APBB2: variants seen among roughly 807,000 people sequenced by gnomAD.
APBB2 encodes the protein Fe65-like 1.
A neutral mutation model predicts 82.5 loss-of-function variants in APBB2; 38 were observed. The ratio of observed to expected loss-of-function variants is 0.46; its 90% CI spans 0.36 to 0.60. The LOEUF (loss-of-function observed/expected upper bound fraction) is 0.60, where lower values mean the gene tolerates loss of function less well. Ranked by LOEUF, APBB2 falls within the 20% of genes least tolerant of loss-of-function variation. The pLI is 0.00. For synonymous variants in APBB2, 341 were observed against 368.2 expected (o/e 0.93, Z 0.85); for missense variants, 772 against 972.3 (o/e 0.79, Z 2.74).
chr4:40,930,474 T>C (rs1008846792), intron 10 of APBB2, among the ~76,000 whole-genome samples: 123 of 141,290 alleles, frequency 8.7e-4, no homozygotes, highest in African/African-American at 1.5e-3. Flanking sequence ...CGCGTGCGCG[T>C]GCGCGTATGC....
intron 3 of APBB2, among the ~76,000 whole-genome samples, chr4:41,091,435 G>GT (rs1160082667): frequency 1.3e-5 from 2 of 151,406 alleles, no homozygotes; most frequent in African/African-American, 2.4e-5. Context: ...GAATAAAAAA[G>GT]TAAGTAATTT....
chr4:41,087,918 TC>T (rs977213914), intron 3 of APBB2, among the ~76,000 whole-genome samples: 18 of 152,174 alleles, frequency 1.2e-4, no homozygotes, highest in Non-Finnish European at 2.5e-4. Flanking sequence ...GATAGCCTTT[TC>T]CAGCAATAGA....
intron 6 of APBB2, among the ~76,000 whole-genome samples, chr4:40,964,963 AT>A (rs1274775376): frequency 4.6e-5 from 7 of 152,072 alleles, no homozygotes; most frequent in East Asian, 3.9e-4. Context: ...TACTAAAAAT[AT>A]AAAAAATTAG....
chr4:41,210,742 ACAAAT>A (rs1172303656), intron 1 of APBB2, among the ~76,000 whole-genome samples: 1 of 152,242 alleles, frequency 6.6e-6, no homozygotes, highest in Admixed American at 6.5e-5. Context: ...ATTCTAAATA[ACAAAT>A]CAAAGATGCT....
chr4:40,821,825 T>A (rs1577678727), intron 17 of APBB2, 46 bp downstream of exon 17: 1 of 1,603,842 alleles, frequency 6.2e-7, no homozygotes, highest in Non-Finnish European at 8.5e-7. Context: ...ATATTAGAGA[T>A]GAGCAGAGGC....
intron 2 of APBB2, among the ~76,000 whole-genome samples, chr4:41,124,617 G>A (rs1753860832): frequency 6.6e-6 from 1 of 152,114 alleles, no homozygotes; most frequent in East Asian, 1.9e-4. Flanking sequence ...CTGATCTCTG[G>A]TTTAAATCAT....
intron 2 of APBB2, among the ~76,000 whole-genome samples, chr4:41,128,291 C>T (rs1019226135): frequency 6.6e-6 from 1 of 152,090 alleles, no homozygotes; most frequent in Non-Finnish European, 1.5e-5. Context: ...GGCTTTGGAG[C>T]AAAGGAACAC....
chr4:40,959,522 T>A (rs1792527951), intron 6 of APBB2, among the ~76,000 whole-genome samples: 1 of 152,204 alleles, frequency 6.6e-6, no homozygotes, highest in South Asian at 2.1e-4. Flanking sequence ...TCATTATTCT[T>A]CTAAATGGTG....
chr4:40,967,963 C>G (rs1009585247), intron 6 of APBB2, among the ~76,000 whole-genome samples: 1 of 152,082 alleles, frequency 6.6e-6, no homozygotes, highest in African/African-American at 2.4e-5. Context: ...AAATAGAGTC[C>G]GATAATTTAC....
intron 1 of APBB2, among the ~76,000 whole-genome samples, chr4:41,202,159 G>A (rs922536860): frequency 2.0e-5 from 3 of 152,086 alleles, no homozygotes; most frequent in Non-Finnish European, 4.4e-5. Flanking sequence ...ACCACCATTC[G>A]TCTTCAAAAC....
intron 1 of APBB2, among the ~76,000 whole-genome samples, chr4:41,175,183 A>G (rs1769412695): frequency 6.6e-6 from 1 of 152,212 alleles, no homozygotes; most frequent in Admixed American, 6.5e-5. Flanking sequence ...ATTGATATAC[A>G]TAGAGTTTGG....
At chr4:41,015,617 C>T (rs1182880541) in intron 5 of APBB2, among the ~76,000 whole-genome samples, 1 of 152,170 alleles carries the variant, frequency 6.6e-6, no homozygotes, top group Non-Finnish European at 1.5e-5. Flanking sequence ...TCTAGAGTCC[C>T]TATGCTTCCA....
Position 41,192,913 on chromosome 4 carries a change from T to G in APBB2, c.-417+21492A>C, listed in dbSNP as rs529973498. Among the ~76,000 whole-genome samples, 65 of 152,334 alleles carry G rather than the reference T, an allele frequency of 4.3e-4. 1 individual carries two copies. The highest frequency in any genetic ancestry group is 1.5e-3 in the African/African-American group (62 of 41,582). ...TATAAATGATTTTTTTAAATAATCT[T>G]TTTTATAAAAAGAAGAGGGTTCTCA... On this transcript the variant is annotated intron_variant, in intron 1 of 17. Transcript: ENST00000508593.
At chr4:41,005,053 C>A (rs113551293) in intron 6 of APBB2, among the ~76,000 whole-genome samples, 6 of 152,168 alleles carry the variant, frequency 3.9e-5, no homozygotes, top group African/African-American at 1.4e-4. Flanking sequence ...AGTTTGCTAT[C>A]TGAATATTTC....
intron 1 of APBB2, among the ~76,000 whole-genome samples, chr4:41,207,068 G>A (rs1018217639): frequency 4.6e-5 from 7 of 151,736 alleles, no homozygotes; most frequent in South Asian, 2.1e-4. Flanking sequence ...ATACAGTGGC[G>A]GGCACCTGTA....
chr4:40,916,364 G>C (rs1423299911), intron 10 of APBB2, among the ~76,000 whole-genome samples: 1 of 152,176 alleles, frequency 6.6e-6, no homozygotes, highest in Non-Finnish European at 1.5e-5. Flanking sequence ...TGTGGCTTCT[G>C]CTCACAAGAA....
intron 12 of APBB2, 177 bp downstream of exon 12, chr4:40,890,187 A>G: frequency 2.7e-6 from 2 of 738,240 alleles, no homozygotes; most frequent in African/African-American, 1.8e-5. Flanking sequence ...CAGGAAGGGA[A>G]GCAGTTTGAA....
At chr4:41,211,419 G>A (rs548249618) in intron 1 of APBB2, among the ~76,000 whole-genome samples, 1 of 125,734 alleles carries the variant, frequency 8.0e-6, no homozygotes, top group Non-Finnish European at 1.6e-5. Flanking sequence ...GAAAACTTAA[G>A]GTGTTATATC....
At position 40,880,035 on chromosome 4, in the gene APBB2, AAG is replaced by A. The variant is rs993096799; in HGVS notation, c.1529+10327_1529+10328del. 4 of 985,280 alleles carry A rather than the reference AAG, an allele frequency of 4.1e-6. No individual in the cohort carries two copies. The African/African-American group carries it at 7.0e-5, about 17-fold the overall frequency. 61.0% of individuals were successfully genotyped at this position (985,280 alleles called of 1,614,324 possible). On this transcript the variant is annotated intron_variant, in intron 12 of 17. Coordinates refer to ENST00000508593, the MANE Select transcript of APBB2 (RefSeq NM_004307.2). ...AAGGAAATATTACTATGTTAATAAAAAGAGTGTCACTGGGAGCGATGGCACTT... is the reference window on the plus strand; with the variant it reads ...AAGGAAATATTACTATGTTAATAAAAAGTGTCACTGGGAGCGATGGCACTT...
Sources: gnomAD v4.1 joint callset for allele counts (sites outside exome capture counted in the v4.1 genomes callset) on GRCh38, gnomAD v4.1.1 for gene constraint, MANE v1.5 for transcripts, NCBI Gene and HGNC (gene_info 2026-07-23, HGNC 2026-07-21) for gene names.